The following CACFD1 variants were observed in gnomAD, a reference collection of about 807,000 sequenced individuals.
CACFD1 encodes calcium channel flower domain containing 1, also known as calcium channel flower homolog.
Under a neutral mutation model 21.3 loss-of-function variants are expected in CACFD1, and 26 were observed. The observed-to-expected ratio is 1.22, with a 90% CI of 0.89 to 1.69. The LOEUF (loss-of-function observed/expected upper bound fraction) is 1.69, where lower values mean the gene tolerates loss of function less well. Among genes scored for constraint, CACFD1 ranks in the 40% most tolerant of loss-of-function variants. The pLI, the probability that CACFD1 is intolerant of heterozygous loss-of-function variation, is 0.00. For synonymous variants in CACFD1, 121 were observed against 106.6 expected (o/e 1.13, Z -0.83); for missense variants, 265 against 236.2 (o/e 1.12, Z -0.80).
intron 1 of CACFD1, 50 bp downstream of exon 1, chr9:133,460,237 T>TCGCCC (rs1554798050): frequency 1.4e-6 from 2 of 1,468,586 alleles, no homozygotes; most frequent in South Asian, 1.3e-5. Context: ...CATGCGCTCC[T>TCGCCC]CGCCCTGCCC....
At chr9:133,460,477 G>GGGCGGGGGGGC (rs1564453244) in intron 1 of CACFD1, among the ~76,000 whole-genome samples, 1 of 151,364 alleles carries the variant, frequency 6.6e-6, no homozygotes, top group Admixed American at 6.6e-5. Flanking sequence ...GGGGCGGCGG[G>GGGCGGGGGGGC]GGCGGGGGTG....
intron 2 of CACFD1, 43 bp downstream of exon 2, chr9:133,463,598 C>T (rs200413455): frequency 8.3e-5 from 133 of 1,603,954 alleles, no homozygotes; most frequent in Admixed American, 1.5e-4. Flanking sequence ...TCTTGCTGGT[C>T]GGGAATCTGC....
At chr9:133,462,058 A>G in intron 1 of CACFD1, 1 of 1,292,848 alleles carries the variant, frequency 7.7e-7, no homozygotes, top group Non-Finnish European at 1.0e-6. Flanking sequence ...CCAAGTGGAC[A>G]TCCTCCAGCC....
rs782796206 is a variant in CACFD1 at position 133,467,887 on chromosome 9, C to T, written c.321-34C>T. The T allele has an allele frequency of 4.0e-5, 60 of 1,482,592 alleles. 1 individual carries two copies. The highest frequency in any genetic ancestry group is 2.3e-4 in the Middle Eastern group (1 of 4,302). 91.8% of individuals were successfully genotyped at this position (1,482,592 alleles called of 1,614,324 possible). ...GGGAAGGATGTGGTGGCTGTGGGGCCGGAGTGCCCCCTTGACCTCTGCTTT... is the reference window on the plus strand; with the variant it reads ...GGGAAGGATGTGGTGGCTGTGGGGCTGGAGTGCCCCCTTGACCTCTGCTTT... On this transcript the variant is annotated intron_variant, in intron 3 of 4. Transcript: ENST00000316948.
rs1554798917 is a variant in CACFD1, at chr9:133,463,517, C to T, written c.156C>T (p.Thr52=). 1 of 1,614,134 alleles carries T rather than the reference C, an allele frequency of 6.2e-7. No homozygotes were observed. The highest frequency in any genetic ancestry group is 2.2e-5 in the East Asian group (1 of 44,886). ...CAISGLFNCI[T]IHPLNIAAGV... ...TCTCTGGCCTCTTCAACTGCATCACCATCCACCCTCTGAACATTGCGGCCG... is the reference window on the plus strand; with the variant it reads ...TCTCTGGCCTCTTCAACTGCATCACTATCCACCCTCTGAACATTGCGGCCG... The change falls in exon 2 of 5, where the codon ACC becomes ACT. Residue 52 remains threonine (T), a synonymous_variant. Transcript: ENST00000316948.
chr9:133,465,478 A>G lies in CACFD1; in HGVS notation c.320+31A>G, dbSNP rs376550156. ...GGGTTGCTGGGCAGGGTCCCGTGAC[A>G]CAGTTCCCCAAAACCCCACTGACAA... On this transcript the variant is annotated intron_variant, in intron 3 of 4. Transcript: ENST00000316948. This position sits in a 1 kb window ranked among gnomAD's most constrained non-coding sequence, Gnocchi z 5.0. 6 of 1,581,628 alleles carry G rather than the reference A, an allele frequency of 3.8e-6. No individual in the cohort carries two copies. The highest frequency in any genetic ancestry group is 5.2e-6 in the Non-Finnish European group (6 of 1,162,572).
At chr9:133,462,467 A>G (rs587654432) in intron 1 of CACFD1, among the ~76,000 whole-genome samples, 29 of 152,310 alleles carry the variant, frequency 1.9e-4, no homozygotes, top group Admixed American at 1.6e-3. Context: ...CTGTCTGCAT[A>G]AGGTTACCTG....
At chr9:133,468,409 A>G in intron 4 of CACFD1, 154 bp from the exon 5 acceptor site, 1 of 1,536,024 alleles carries the variant, frequency 6.5e-7, no homozygotes, top group Non-Finnish European at 8.7e-7. Context: ...CAGAGGGGAC[A>G]AGACAGGCCT....
chr9:133,462,483 A>G (rs587608964), intron 1 of CACFD1, among the ~76,000 whole-genome samples: 1 of 152,334 alleles, frequency 6.6e-6, no homozygotes, highest in East Asian at 1.9e-4. Context: ...ACCTGGGAAA[A>G]TGGAAAACAG....
In CACFD1 at chr9:133,465,665, A is replaced by C; in HGVS notation, c.320+218A>C. The C allele has an allele frequency of 1.8e-6, 1 of 568,480 alleles. No individual in the cohort carries two copies. Among genetic ancestry groups the C allele is most frequent in the Non-Finnish European group, 3.1e-6 (1 of 319,390 alleles). 35.2% of individuals were successfully genotyped at this position (568,480 alleles called of 1,614,324 possible). A position where few individuals can be genotyped will look rare whatever the true frequency, so the allele number is the denominator to read the frequency against. Reference sequence around the variant, plus strand: ...ACTCAGCTGTCGCTGTGCCGTAGTCACTGGAAGGTTCAGAGGTATATGAGC... The same window carrying C: ...ACTCAGCTGTCGCTGTGCCGTAGTCCCTGGAAGGTTCAGAGGTATATGAGC... On this transcript the variant is annotated intron_variant, in intron 3 of 4. Transcript: ENST00000316948. This position sits in a 1 kb window ranked among gnomAD's most constrained non-coding sequence, Gnocchi z 5.0.
rs1843200214 is a variant in CACFD1 at position 133,461,183 on chromosome 9, C to T, written c.121+996C>T. On this transcript the variant is annotated intron_variant, in intron 1 of 4. Transcript: ENST00000316948. ...AGCTCTGGGCCTGGGCAGGGCAGGC[C>T]CCATCAGCAATCCTGCCAGAAGGAC... 3.3e-5 allele frequency among the ~76,000 whole-genome samples: 5 copies of T among 152,204 alleles called. No individual in the cohort carries two copies. The South Asian group carries it at 1.0e-3, about 31-fold the overall frequency.
chr9:133,465,219 G>T lies in CACFD1; in HGVS notation c.195-103G>T. On this transcript the variant is annotated intron_variant, in intron 2 of 4. Coordinates refer to ENST00000316948, the MANE Select transcript of CACFD1 (RefSeq NM_017586.5). The surrounding 1 kb of genome is among the most constrained non-coding windows in gnomAD (Gnocchi z 5.0). ...CCCAGAGGAGGAGGGATGAGGGCAGGAGGGTGAGGGAGGTGGCATTCCTTA... is the reference window on the plus strand; with the variant it reads ...CCCAGAGGAGGAGGGATGAGGGCAGTAGGGTGAGGGAGGTGGCATTCCTTA... 7.4e-7 allele frequency: 1 copy of T among 1,356,514 alleles called. No homozygotes were observed. The highest frequency in any genetic ancestry group is 1.0e-6 in the Non-Finnish European group (1 of 957,316). 84.0% of individuals were successfully genotyped at this position (1,356,514 alleles called of 1,614,324 possible).
At chr9:133,467,894 C>G in intron 3 of CACFD1, 27 bp from the exon 4 acceptor site, 1 of 1,536,512 alleles carries the variant, frequency 6.5e-7, no homozygotes, top group Non-Finnish European at 9.0e-7. Flanking sequence ...GGCCGGAGTG[C>G]CCCCTTGACC....
In CACFD1 at chr9:133,465,006, TG is replaced by T; in HGVS notation, c.195-312del. On this transcript the variant is annotated intron_variant, in intron 2 of 4. Transcript: ENST00000316948. This position sits in a 1 kb window ranked among gnomAD's most constrained non-coding sequence, Gnocchi z 5.0. ...GCAGCGTTGTAGCAGTGCCATGATG[TG>T]GGGTCCCCTTTCCTCCATGTCACAC... The T allele has an allele frequency of 3.3e-6, 1 of 299,216 alleles. No homozygotes were observed. The highest frequency in any genetic ancestry group is 6.3e-6 in the Non-Finnish European group (1 of 158,658). The allele number at this position is 299,216 out of a possible 1,614,324, so 18.5% of individuals were successfully genotyped here. A position where few individuals can be genotyped will look rare whatever the true frequency, so the allele number is the denominator to read the frequency against.
At chr9:133,464,382 G>A (rs893248949) in intron 2 of CACFD1, among the ~76,000 whole-genome samples, 4 of 152,210 alleles carry the variant, frequency 2.6e-5, no homozygotes, top group African/African-American at 9.7e-5. Flanking sequence ...GCTTCAGGGG[G>A]TGGAGTCGGA....
chr9:133,463,509 T>C lies in CACFD1; in HGVS notation c.148T>C (p.Cys50Arg). Residue 50 changes from cysteine to arginine, a missense_variant, in exon 2 of 5, where the codon TGC becomes CGC. Transcript: ENST00000316948. ...VSCAISGLFN[C>R]ITIHPLNIAA... The stretch of plus-strand genomic sequence containing the variant: ...TTGCGCGATCTCTGGCCTCTTCAAC[T>C]GCATCACCATCCACCCTCTGAACAT... 1 of 1,614,130 alleles carries C rather than the reference T, an allele frequency of 6.2e-7. No homozygotes were observed. Among genetic ancestry groups the C allele is most frequent in the Non-Finnish European group, 8.5e-7 (1 of 1,179,994 alleles).
rs149884279 is a variant in CACFD1 at position 133,465,355 on chromosome 9, G to A, written c.228G>A (p.Ala76=). Residue 76 remains alanine, a synonymous_variant, in exon 3 of 5, where the codon GCG becomes GCA. Transcript: ENST00000316948. The surrounding 1 kb of genome is among the most constrained non-coding windows in gnomAD (Gnocchi z 5.0). The part of the protein sequence containing the change: ...MNAFILLLCE[A]PFCCQFIEFA... ...CCTTCATCTTGTTGCTGTGTGAGGCGCCCTTCTGCTGCCAGTTCATCGAGT... is the reference window on the plus strand; with the variant it reads ...CCTTCATCTTGTTGCTGTGTGAGGCACCCTTCTGCTGCCAGTTCATCGAGT... 5.8e-5 allele frequency: 94 copies of A among 1,613,842 alleles called. No homozygotes were observed. The highest frequency in any genetic ancestry group is 3.3e-4 in the Middle Eastern group (2 of 6,072).
At chr9:133,463,403 C>A in intron 1 of CACFD1, 80 bp from the exon 2 acceptor site, 1 of 1,607,436 alleles carries the variant, frequency 6.2e-7, no homozygotes, top group Non-Finnish European at 8.5e-7. Context: ...CTCGTCCTTT[C>A]CAGTCATCTC....
At chr9:133,461,445 G>T (rs1328842768) in intron 1 of CACFD1, among the ~76,000 whole-genome samples, 1 of 152,242 alleles carries the variant, frequency 6.6e-6, no homozygotes, top group Non-Finnish European at 1.5e-5. Context: ...AGACTGGTGG[G>T]TTTGAAGTTA....
Sources: allele counts gnomAD v4.1 joint callset (sites outside exome capture counted in the v4.1 genomes callset), GRCh38; gene constraint gnomAD v4.1.1; non-coding constraint Gnocchi (gnomAD v3.1); transcripts MANE v1.5; gene names NCBI Gene and HGNC (gene_info 2026-07-23, HGNC 2026-07-21).